The following SH3D19 variants were observed in gnomAD, a reference collection of about 807,000 sequenced individuals.
SH3D19 encodes SH3 domain-containing protein 19.
Under a neutral mutation model 112.1 loss-of-function variants are expected in SH3D19, and 58 were observed. The ratio of observed to expected loss-of-function variants is 0.52; its 90% CI spans 0.42 to 0.64. SH3D19 has a LOEUF of 0.64. Among genes scored for constraint, SH3D19 ranks in the 30% least tolerant of loss-of-function variants. The pLI, the probability that SH3D19 is intolerant of heterozygous loss-of-function variation, is 0.00. For missense variants in SH3D19, 1,090 were observed against 1,263.4 expected (o/e 0.86, Z 2.08); for synonymous variants, 391 against 448.5 (o/e 0.87, Z 1.62).
At chr4:151,258,423 C>A (rs2149985681) in intron 1 of SH3D19, among the ~76,000 whole-genome samples, 1 of 152,362 alleles carries the variant, frequency 6.6e-6, no homozygotes, top group South Asian at 2.1e-4. Context: ...TCCATTGGTT[C>A]ACCTTTGGTC....
At chr4:151,172,377 C>T (rs2149820840) in intron 7 of SH3D19, among the ~76,000 whole-genome samples, 1 of 152,248 alleles carries the variant, frequency 6.6e-6, no homozygotes. Flanking sequence ...CCCTAGGTAG[C>T]CACAGTATGG....
At chr4:151,148,210 G>A in intron 10 of SH3D19, 24 bp from the exon 11 acceptor site, 1 of 1,569,748 alleles carries the variant, frequency 6.4e-7, no homozygotes, top group Non-Finnish European at 8.6e-7. Context: ...TAGTAGCCAT[G>A]AGTCAGTGTT....
intron 2 of SH3D19, among the ~76,000 whole-genome samples, chr4:151,191,227 G>C (rs193080740): frequency 6.6e-6 from 1 of 152,276 alleles, no homozygotes; most frequent in African/African-American, 2.4e-5. Context: ...TGATTTTACT[G>C]GTTCATAGGC....
At chr4:151,195,239 G>A (rs964843149) in intron 2 of SH3D19, among the ~76,000 whole-genome samples, 13 of 151,140 alleles carry the variant, frequency 8.6e-5, no homozygotes, top group African/African-American at 3.2e-4. Context: ...GGGCATGATG[G>A]CGGGTGCCTG....
chr4:151,143,054 T>G (rs148503417), intron 12 of SH3D19, among the ~76,000 whole-genome samples: 1 of 152,020 alleles, frequency 6.6e-6, no homozygotes, highest in Non-Finnish European at 1.5e-5. Context: ...CCTGGCAACA[T>G]AGTGAGACCC....
At chr4:151,287,980 T>C (rs1400006100) in intron 1 of SH3D19, among the ~76,000 whole-genome samples, 1 of 152,022 alleles carries the variant, frequency 6.6e-6, no homozygotes, top group Non-Finnish European at 1.5e-5. Context: ...CAGAAATCAA[T>C]CAATGTTAAT....
rs1457697465 is a variant in SH3D19, at chr4:151,143,892, A to G, written c.2223+18T>C. The stretch of plus-strand genomic sequence containing the variant: ...TGCTATGTGTGATATGAGGGCTGTA[A>G]CAATATTAATTCCTTACGTTTGGTC... On this transcript the variant is annotated intron_variant, in intron 12 of 19. Coordinates refer to ENST00000604030, the MANE Select transcript of SH3D19 (RefSeq NM_001378122.1). 1 of 1,603,682 alleles carries G rather than the reference A, an allele frequency of 6.2e-7. No homozygotes were observed. The highest frequency in any genetic ancestry group is 8.5e-7 in the Non-Finnish European group (1 of 1,174,904).
At chr4:151,217,588 T>C (rs1767333090) in intron 2 of SH3D19, among the ~76,000 whole-genome samples, 1 of 152,086 alleles carries the variant, frequency 6.6e-6, no homozygotes, top group African/African-American at 2.4e-5. Context: ...TATCTGAGAT[T>C]TGGGAAGCAA....
chr4:151,146,894 T>C (rs1754014926), intron 11 of SH3D19, among the ~76,000 whole-genome samples: 1 of 152,180 alleles, frequency 6.6e-6, no homozygotes, highest in Non-Finnish European at 1.5e-5. Context: ...AGAAAAACAT[T>C]AAAAGAGAAC....
chr4:151,158,703 A>G (rs1434647061), intron 9 of SH3D19, among the ~76,000 whole-genome samples: 2 of 152,004 alleles, frequency 1.3e-5, no homozygotes, highest in Non-Finnish European at 2.9e-5. Context: ...AATAAATAAA[A>G]GTATTGAGGA....
At chr4:151,136,137 C>T (rs1456637580) in intron 14 of SH3D19, among the ~76,000 whole-genome samples, 1 of 152,054 alleles carries the variant, frequency 6.6e-6, no homozygotes, top group African/African-American at 2.4e-5. Context: ...AGTGGCAACA[C>T]TTTGTTTTAT....
intron 14 of SH3D19, among the ~76,000 whole-genome samples, chr4:151,135,421 A>ATTTTTTTT (rs34291277): frequency 2.6e-4 from 23 of 87,488 alleles, no homozygotes; most frequent in East Asian, 7.6e-4. Flanking sequence ...TCTCTATCTC[A>ATTTTTTTT]TTTTTTTTTT....
At chr4:151,291,116 A>T (rs1775293451) in intron 1 of SH3D19, 1 of 1,604,662 alleles carries the variant, frequency 6.2e-7, no homozygotes, top group Non-Finnish European at 8.5e-7. Context: ...TTTCTTCCTT[A>T]GGGTGATTCT....
At chr4:151,175,756 A>T in intron 6 of SH3D19, 82 bp from the exon 7 acceptor site, 1 of 1,189,194 alleles carries the variant, frequency 8.4e-7, no homozygotes. Context: ...TAGAAGATAC[A>T]CAGATTTAAA....
intron 1 of SH3D19, among the ~76,000 whole-genome samples, chr4:151,308,321 A>C (rs1366439067): frequency 6.6e-6 from 1 of 152,266 alleles, no homozygotes; most frequent in Non-Finnish European, 1.5e-5. Flanking sequence ...CTCTTCCCTC[A>C]GGAATCTCAC....
chr4:151,267,611 G>T (rs1772911839), intron 1 of SH3D19, among the ~76,000 whole-genome samples: 1 of 152,028 alleles, frequency 6.6e-6, no homozygotes, highest in African/African-American at 2.4e-5. Context: ...TGCAAACAAA[G>T]TATCAAATCT....
chr4:151,168,247 T>A, intron 7 of SH3D19, among the ~76,000 whole-genome samples: 1 of 151,960 alleles, frequency 6.6e-6, no homozygotes, highest in East Asian at 1.9e-4. Flanking sequence ...GTGAGGAACT[T>A]CAGTTGTGGG....
intron 2 of SH3D19, among the ~76,000 whole-genome samples, chr4:151,195,059 G>A (rs1285767709): frequency 1.5e-5 from 2 of 136,162 alleles, no homozygotes; most frequent in African/African-American, 5.3e-5. Flanking sequence ...AGGCGACAAA[G>A]GAAGACCATC....
chr4:151,143,365 C>T (rs778502611), intron 12 of SH3D19, among the ~76,000 whole-genome samples: 22 of 151,940 alleles, frequency 1.4e-4, no homozygotes, highest in Admixed American at 8.5e-4. Context: ...TGGATAATGC[C>T]GTACCAAAAC....
Sources: gnomAD v4.1 joint callset for allele counts (sites outside exome capture counted in the v4.1 genomes callset) on GRCh38, gnomAD v4.1.1 for gene constraint, MANE v1.5 for transcripts, NCBI Gene and HGNC (gene_info 2026-07-23, HGNC 2026-07-21) for gene names.